Variants in FRMD6 observed in about 807,000 individuals in gnomAD.
FRMD6 encodes FERM domain-containing protein 6.
FRMD6 carries 37 observed loss-of-function variants against 73.2 expected under a neutral mutation model. The observed-to-expected ratio is 0.51, with a 90% CI of 0.39 to 0.66. The LOEUF is 0.66. Among genes scored for constraint, FRMD6 ranks in the 30% least tolerant of loss-of-function variants. FRMD6 has a pLI of 0.00. For synonymous variants in FRMD6, 273 were observed against 282.2 expected, an observed-to-expected ratio of 0.97 and a Z score of 0.33; for missense variants, 714 against 780.5, an observed-to-expected ratio of 0.91 and a Z score of 1.02.
intron 1 of FRMD6, among the ~76,000 whole-genome samples, chr14:51,559,897 G>C (rs1230274433): frequency 6.6e-6 from 1 of 152,160 alleles, no homozygotes; most frequent in Non-Finnish European, 1.5e-5. Context: ...CATGTTCATA[G>C]GTAGAAAGAG....
At chr14:51,472,679 T>C in the FRMD6 span, among the ~76,000 whole-genome samples, 1 of 150,746 alleles carries the variant, frequency 6.6e-6, no homozygotes, top group African/African-American at 2.4e-5. Flanking sequence ...TTTCAGTTCC[T>C]GAATCTTAGC....
intron 2 of FRMD6, among the ~76,000 whole-genome samples, chr14:51,585,961 A>ATATATAT (rs1555324347): frequency 2.8e-4 from 16 of 56,264 alleles, no homozygotes; most frequent in East Asian, 5.8e-4. Flanking sequence ...ATATATATAT[A>ATATATAT]ACATTTTCTT....
intron 1 of FRMD6, among the ~76,000 whole-genome samples, chr14:51,674,372 A>G (rs866994697): frequency 6.6e-6 from 1 of 152,136 alleles, no homozygotes; most frequent in African/African-American, 2.4e-5. Context: ...TAGGCAATAT[A>G]TAGTCTTTTT....
chr14:51,497,117 T>G (rs1321418293), intron 1 of FRMD6, among the ~76,000 whole-genome samples: 1 of 152,214 alleles, frequency 6.6e-6, no homozygotes, highest in Non-Finnish European at 1.5e-5. Context: ...TTCTGACATA[T>G]GTATCTGGGC....
chr14:51,606,092 T>G (rs1594592809), intron 2 of FRMD6, among the ~76,000 whole-genome samples: 1 of 152,324 alleles, frequency 6.6e-6, no homozygotes, highest in East Asian at 1.9e-4. Flanking sequence ...GCCATGCCTG[T>G]GCATCACAGT....
chr14:51,575,638 C>T (rs1372229513), intron 2 of FRMD6: 1 of 152,200 alleles, frequency 6.6e-6, no homozygotes, highest in Non-Finnish European at 1.5e-5. Flanking sequence ...TTCTTCGTCA[C>T]AATGGCAGGA....
the FRMD6 span, among the ~76,000 whole-genome samples, chr14:51,448,191 T>A: frequency 6.6e-6 from 1 of 152,224 alleles, no homozygotes; most frequent in Non-Finnish European, 1.5e-5. Context: ...TGAATATTAT[T>A]TCTTGATCAT....
the FRMD6 span, among the ~76,000 whole-genome samples, chr14:51,467,382 G>A: frequency 6.6e-6 from 1 of 152,326 alleles, no homozygotes; most frequent in African/African-American, 2.4e-5. Context: ...CACAGACATA[G>A]CAACAATCCG....
rs1896531758 is a variant in FRMD6 at position 51,704,857 on chromosome 14, G to A, written c.480G>A (p.Leu160=). The A allele has an allele frequency of 6.2e-7, 1 of 1,613,402 alleles. No individual in the cohort carries two copies. The highest frequency in any genetic ancestry group is 1.3e-5 in the African/African-American group (1 of 74,978). Residue 160 remains leucine, a synonymous_variant, in exon 6 of 14, where the codon CTG becomes CTA. Transcript: ENST00000344768. ...ACTTCCTGCTGGCAGCCTTTGCCCT[G>A]CAGGCTGATCTTGGGAACTTCAAAA... The part of the protein sequence containing the change: ...EAYFLLAAFA[L]QADLGNFKRN...
At chr14:51,437,286 T>C in the FRMD6 span, among the ~76,000 whole-genome samples, 2 of 152,194 alleles carry the variant, frequency 1.3e-5, no homozygotes, top group Non-Finnish European at 2.9e-5. Flanking sequence ...GTTTCCAACT[T>C]CATCCATGTT....
At chr14:51,521,513 C>T (rs930057751) in intron 1 of FRMD6, among the ~76,000 whole-genome samples, 6 of 151,612 alleles carry the variant, frequency 4.0e-5, no homozygotes, top group Non-Finnish European at 8.8e-5. Flanking sequence ...AACATTTACA[C>T]ATTTATGTCT....
At chr14:51,434,680 C>T in the FRMD6 span, among the ~76,000 whole-genome samples, 1 of 152,038 alleles carries the variant, frequency 6.6e-6, no homozygotes, top group Non-Finnish European at 1.5e-5. Flanking sequence ...TAAGAACCAT[C>T]ATTGGGCACT....
Position 51,711,664 on chromosome 14 carries a change from C to T in FRMD6, c.780+68C>T, listed in dbSNP as rs1896952927. ...TCTGTTTACAGCATGCCTCTGTGGT[C>T]CTGCCACAGGTTCAGTAGTTCATTT... On this transcript the variant is annotated intron_variant, in intron 8 of 13. Transcript: ENST00000344768. 30 of 1,121,858 alleles carry T rather than the reference C, an allele frequency of 2.7e-5. No individual in the cohort carries two copies. The South Asian group carries it at 3.8e-4, about 14-fold the overall frequency. The allele number at this position is 1,121,858 out of a possible 1,614,324, so 69.5% of individuals were successfully genotyped here.
intron 1 of FRMD6, chr14:51,546,748 TG>T (rs1261398304): frequency 6.6e-6 from 1 of 152,162 alleles, no homozygotes; most frequent in Non-Finnish European, 1.5e-5. Flanking sequence ...TGCTTTCTCT[TG>T]GAACACAGTT....
At chr14:51,596,647 T>G (rs1306195417) in intron 2 of FRMD6, among the ~76,000 whole-genome samples, 3 of 152,190 alleles carry the variant, frequency 2.0e-5, no homozygotes, top group Admixed American at 6.5e-5. Context: ...TGGCTGAGTC[T>G]CAAGGCTCAT....
rs778006459 is a variant in FRMD6 at position 51,494,591 on chromosome 14, C to T, written c.-210+5171C>T. On this transcript the variant is annotated intron_variant, in intron 1 of 14. Coordinates refer to the FRMD6 transcript ENST00000356218. The stretch of plus-strand genomic sequence containing the variant: ...AGCCCATGCCACAGCTGTCATGGTT[C>T]GGAGTTGTGTGCTTGTGGTTCTTTG... 4.2e-4 allele frequency among the ~76,000 whole-genome samples: 64 copies of T among 152,186 alleles called. 1 individual carries two copies. Among genetic ancestry groups the T allele is most frequent in the Admixed American group, 8.5e-4 (13 of 15,280 alleles).
At chr14:51,672,079 T>C (rs145045917) in intron 1 of FRMD6, among the ~76,000 whole-genome samples, 123 of 152,302 alleles carry the variant, frequency 8.1e-4, no homozygotes, top group Middle Eastern at 3.4e-3. Context: ...TAACAAGAGA[T>C]GAAACATGGC....
At chr14:51,701,249 A>G (rs1594755903) in intron 4 of FRMD6, 90 bp downstream of exon 4, 3 of 640,972 alleles carry the variant, frequency 4.7e-6, no homozygotes, top group African/African-American at 1.9e-5. Flanking sequence ...ACTGTAAGCA[A>G]TACTTTATGT....
chr14:51,434,363 T>C, the FRMD6 span, among the ~76,000 whole-genome samples: 1 of 152,128 alleles, frequency 6.6e-6, no homozygotes, highest in African/African-American at 2.4e-5. Flanking sequence ...GACTCCAGGA[T>C]TGAGCCAGTG....
Sources: allele counts gnomAD v4.1 joint callset (sites outside exome capture counted in the v4.1 genomes callset), GRCh38; gene constraint gnomAD v4.1.1; transcripts MANE v1.5; gene names NCBI Gene and HGNC (gene_info 2026-07-23, HGNC 2026-07-21).